ZC3H12B: variants seen among roughly 807,000 people sequenced by gnomAD.
ZC3H12B encodes the protein probable ribonuclease ZC3H12B.
In ZC3H12B, 7 loss-of-function variants were observed where a neutral mutation model predicts 43.9. The observed-to-expected ratio is 0.16, with a 90% confidence interval of 0.09 to 0.30. The LOEUF is 0.30. ZC3H12B is among the 10% of genes least tolerant of loss of function. The pLI, the probability that ZC3H12B is intolerant of heterozygous loss-of-function variation, is 1.00. For synonymous variants in ZC3H12B, 222 were observed against 241.7 expected (o/e 0.92, Z 0.76); for missense variants, 475 against 670.2 (o/e 0.71, Z 3.22).
chrX:65,287,503 C>T, the ZC3H12B span, among the ~76,000 whole-genome samples: 3 of 110,270 alleles, frequency 2.7e-5, no homozygotes, highest in African/African-American at 9.9e-5. Context: ...CACCTGTAAT[C>T]CCAGCACTTT....
At chrX:65,160,708 C>A in the ZC3H12B span, among the ~76,000 whole-genome samples, 3 of 111,547 alleles carry the variant, frequency 2.7e-5, no homozygotes, top group East Asian at 5.6e-4. Flanking sequence ...TTTCAAAAAA[C>A]CAGTGCCTGG....
the ZC3H12B span, among the ~76,000 whole-genome samples, chrX:65,324,060 ATTTG>A: frequency 5.2e-3 from 586 of 111,694 alleles, 8 homozygotes; most frequent in African/African-American, 0.018. Context: ...TTTCTTGTAA[ATTTG>A]TTTAAGTTCC....
the ZC3H12B span, among the ~76,000 whole-genome samples, chrX:65,341,923 C>T: frequency 5.4e-5 from 6 of 111,109 alleles, no homozygotes; most frequent in Non-Finnish European, 7.6e-5. Context: ...GAGTGGCTAC[C>T]TGAATGTATA....
chrX:65,252,518 G>T, the ZC3H12B span, among the ~76,000 whole-genome samples: 1 of 111,683 alleles, frequency 9.0e-6, no homozygotes, highest in Non-Finnish European at 1.9e-5. Context: ...TTTTACAGAT[G>T]AGGAAACCAA....
At chrX:65,111,953 C>A in the ZC3H12B span, among the ~76,000 whole-genome samples, 2 of 111,521 alleles carry the variant, frequency 1.8e-5, no homozygotes, top group African/African-American at 6.5e-5. Context: ...AGATCAAAGG[C>A]CAGAAATGAT....
At chrX:65,454,302 G>A (rs939863436) in intron 3 of ZC3H12B, among the ~76,000 whole-genome samples, 4 of 112,462 alleles carry the variant, frequency 3.6e-5, no homozygotes, top group Non-Finnish European at 5.6e-5. Flanking sequence ...TTTTCCGACG[G>A]TCTTAGCAAA....
At chrX:65,096,582 T>A in the ZC3H12B span, among the ~76,000 whole-genome samples, 1 of 111,227 alleles carries the variant, frequency 9.0e-6, no homozygotes, top group Admixed American at 9.6e-5. Flanking sequence ...TGAGGATATA[T>A]CAGTAGAAAA....
the ZC3H12B span, among the ~76,000 whole-genome samples, chrX:65,113,321 G>A: frequency 8.9e-6 from 1 of 111,790 alleles, no homozygotes; most frequent in African/African-American, 3.2e-5. Flanking sequence ...AAAAGATTTA[G>A]AATATTATGT....
At chrX:65,362,997 T>A (rs1431598338), upstream of ZC3H12B, among the ~76,000 whole-genome samples, 5 of 111,031 alleles carry the variant, frequency 4.5e-5, no homozygotes, top group Non-Finnish European at 7.5e-5. Flanking sequence ...CTTTGCACCC[T>A]TCATCCCAGA....
intron 2 of ZC3H12B, among the ~76,000 whole-genome samples, chrX:65,387,323 C>A (rs1052278622): frequency 9.0e-6 from 1 of 111,720 alleles, no homozygotes; most frequent in Non-Finnish European, 1.9e-5. Context: ...AATCTGGGTG[C>A]TCCTGTGTTG....
chrX:65,415,591 G>A (rs1411061076), intron 3 of ZC3H12B, among the ~76,000 whole-genome samples: 1 of 111,724 alleles, frequency 9.0e-6, no homozygotes, highest in Non-Finnish European at 1.9e-5. Context: ...TAACTCCAAA[G>A]GGAGTAGGGT....
intron 3 of ZC3H12B, among the ~76,000 whole-genome samples, chrX:65,411,301 C>A (rs934595364): frequency 8.9e-6 from 1 of 111,767 alleles, no homozygotes; most frequent in East Asian, 2.8e-4. Flanking sequence ...TTACCAGAGG[C>A]TAAGAGGAGA....
chrX:65,103,965 A>G, the ZC3H12B span, among the ~76,000 whole-genome samples: 1 of 111,897 alleles, frequency 8.9e-6, no homozygotes, highest in Non-Finnish European at 1.9e-5. Flanking sequence ...AGCCAAGACA[A>G]TCCTAAGCAA....
chrX:65,162,447 C>T, the ZC3H12B span, among the ~76,000 whole-genome samples: 1 of 111,713 alleles, frequency 9.0e-6, no homozygotes, highest in Non-Finnish European at 1.9e-5. Flanking sequence ...CCCTTATTTC[C>T]TGGAGGCTTT....
chrX:65,408,767 A>G (rs2066868167), intron 3 of ZC3H12B: 1 of 472,636 alleles, frequency 2.1e-6, no homozygotes, highest in Non-Finnish European at 3.5e-6. Context: ...AAAGCAAACA[A>G]TGAGATAAGA....
the ZC3H12B span, among the ~76,000 whole-genome samples, chrX:65,078,915 A>C: frequency 9.0e-6 from 1 of 111,559 alleles, no homozygotes; most frequent in African/African-American, 3.3e-5. Context: ...TGTACAATTA[A>C]ATTATTATTC....
At chrX:65,354,130 G>C in the ZC3H12B span, among the ~76,000 whole-genome samples, 1 of 112,248 alleles carries the variant, frequency 8.9e-6, no homozygotes, top group African/African-American at 3.2e-5. Context: ...GGGACAGGCT[G>C]TCTCCTCAAG....
chrX:65,333,382 A>G, the ZC3H12B span, among the ~76,000 whole-genome samples: 2 of 112,147 alleles, frequency 1.8e-5, no homozygotes, highest in Non-Finnish European at 3.8e-5. Flanking sequence ...TATAATCACA[A>G]CTAGTTTCCA....
At chrX:65,038,538 A>G in the ZC3H12B span, among the ~76,000 whole-genome samples, 2 of 111,729 alleles carry the variant, frequency 1.8e-5, no homozygotes, top group Middle Eastern at 4.6e-3. Flanking sequence ...ACTATTGTAC[A>G]TTTCTGGTCT....
Sources: allele counts gnomAD v4.1 joint callset (sites outside exome capture counted in the v4.1 genomes callset), GRCh38; gene constraint gnomAD v4.1.1; transcripts MANE v1.5; gene names NCBI Gene and HGNC (gene_info 2026-07-23, HGNC 2026-07-21).